FERMT1: variants seen among roughly 807,000 people sequenced by gnomAD.
The protein encoded by FERMT1 is FERM domain containing kindlin 1, also known as fermitin family homolog 1.
FERMT1 carries 60 observed loss-of-function variants against 85.3 expected under a neutral mutation model. The observed-to-expected ratio is 0.70, with a 90% CI of 0.57 to 0.87. The LOEUF is 0.87. FERMT1 is among the 40% of genes least tolerant of loss of function. The pLI, the probability that FERMT1 is intolerant of heterozygous loss-of-function variation, is 0.00. For missense variants in FERMT1, 701 were observed against 818.9 expected (o/e 0.86, Z 1.76); for synonymous variants, 275 against 301.1 (o/e 0.91, Z 0.90).
rs1982746782 is a variant in FERMT1 at position 6,104,479 on chromosome 20, G to T, written c.849+3053C>A. Among the ~76,000 whole-genome samples the T allele has an allele frequency of 1.3e-5, 2 of 152,116 alleles. No homozygotes were observed. The highest frequency in any genetic ancestry group is 2.1e-4 in the South Asian group (1 of 4,816). On this transcript the variant is annotated intron_variant, in intron 6 of 14. Transcript: ENST00000217289. The surrounding 1 kb of genome is among the most constrained non-coding windows in gnomAD (Gnocchi z 4.2). ...AGTCTTAAACTTGATTTTATCTATA[G>T]CACTCATAATTTTGAGAGAGGGGGA... is the stretch of plus-strand genomic sequence containing the variant.
chr20:6,084,841 G>A (rs989681433), intron 12 of FERMT1, among the ~76,000 whole-genome samples: 2 of 151,898 alleles, frequency 1.3e-5, no homozygotes, highest in African/African-American at 4.8e-5. Context: ...TTACAGGTGT[G>A]CACCACCACG....
intron 13 of FERMT1, among the ~76,000 whole-genome samples, chr20:6,079,952 G>A (rs1158705850): frequency 1.3e-5 from 2 of 152,208 alleles, no homozygotes; most frequent in Non-Finnish European, 2.9e-5. Flanking sequence ...TCATAAGTAT[G>A]AGGTACATAT....
intron 6 of FERMT1, among the ~76,000 whole-genome samples, chr20:6,098,329 T>A (rs1027259314): frequency 6.6e-6 from 1 of 152,222 alleles, no homozygotes; most frequent in Admixed American, 6.5e-5. Flanking sequence ...CGATAGGATT[T>A]TTTAAATGAA....
At chr20:6,097,403 C>G in intron 7 of FERMT1, 121 bp downstream of exon 7, 2 of 759,710 alleles carry the variant, frequency 2.6e-6, no homozygotes, top group South Asian at 3.1e-5. Flanking sequence ...AACAATTGCT[C>G]TCCTTATTTT....
At chr20:6,119,226 G>A (rs560131408) in intron 2 of FERMT1, among the ~76,000 whole-genome samples, 178 bp downstream of exon 2, 2 of 152,250 alleles carry the variant, frequency 1.3e-5, no homozygotes, top group Admixed American at 6.5e-5. Context: ...GGGATTACAG[G>A]TGTGAGCCAC....
chr20:6,111,656 C>T (rs1269005975), intron 4 of FERMT1, among the ~76,000 whole-genome samples: 3 of 112,006 alleles, frequency 2.7e-5, no homozygotes, highest in Admixed American at 1.0e-4. Context: ...AACAAACAAA[C>T]AAAAAATGAA....
Position 6,077,321 on chromosome 20 carries a change from A to T in FERMT1, c.1886T>A (p.Val629Asp), listed in dbSNP as rs1981856047. 6.2e-7 allele frequency: 1 copy of T among 1,614,152 alleles called. No homozygotes were observed. The highest frequency in any genetic ancestry group is 2.2e-5 in the East Asian group (1 of 44,878). ...ACTCAGGCAGGTGAAAGCAGTAAAG[A>T]CGTTTTGGTCAAACTCGATGACCAC... ...RQVVIEFDQN[V>D]FTAFTCLSAD... is the part of the protein sequence containing the mutation. The change falls in exon 15 of 15, where the codon GTC (valine) becomes GAC (aspartate). Residue 629 changes from valine (V) to aspartate (D), a missense_variant. Physicochemically the swap from Val to Asp is radical, Grantham distance 152 (BLOSUM62 -3). Transcript: ENST00000217289.
chr20:6,096,394 G>A (rs1158412275), intron 8 of FERMT1, among the ~76,000 whole-genome samples: 1 of 152,170 alleles, frequency 6.6e-6, no homozygotes, highest in Non-Finnish European at 1.5e-5. Context: ...GCACAGTAGT[G>A]TGTGTCTGTA....
chr20:6,089,032 T>C lies in FERMT1; in HGVS notation c.1197A>G (p.Thr399=). ...FKQYWFIFKD[T]SIAYFKNKEL... is the part of the protein sequence containing the mutation. ...CCTTATTTTTAAAGTATGCTATGGATGTGTCTTTAAAGATAAACCAATATT... is the reference window on the plus strand; with the variant it reads ...CCTTATTTTTAAAGTATGCTATGGACGTGTCTTTAAAGATAAACCAATATT... The change falls in exon 10 of 15, where the codon ACA becomes ACG. Residue 399 remains threonine (T), a synonymous_variant. Coordinates refer to ENST00000217289, the MANE Select transcript of FERMT1 (RefSeq NM_017671.5). 6.2e-7 allele frequency: 1 copy of C among 1,611,382 alleles called. No individual in the cohort carries two copies. Among genetic ancestry groups the C allele is most frequent in the Non-Finnish European group, 8.5e-7 (1 of 1,177,724 alleles).
At chr20:6,089,429 G>A (rs1441563154) in intron 9 of FERMT1, among the ~76,000 whole-genome samples, 2 of 152,174 alleles carry the variant, frequency 1.3e-5, no homozygotes, top group Non-Finnish European at 2.9e-5. Context: ...AGGACAGAAT[G>A]AGTTCATCTA....
chr20:6,110,635 T>C (rs546331941), intron 4 of FERMT1, 124 bp from the exon 5 acceptor site: 3 of 819,576 alleles, frequency 3.7e-6, no homozygotes, highest in African/African-American at 3.4e-5. Context: ...TTTAAAATAA[T>C]ATAAGTCAAG....
intron 2 of FERMT1, among the ~76,000 whole-genome samples, chr20:6,116,904 T>C (rs566624737): frequency 6.6e-6 from 1 of 152,348 alleles, no homozygotes; most frequent in South Asian, 2.1e-4. Context: ...ATCAAGATTA[T>C]TTCTCTTATA....
At chr20:6,083,397 C>T (rs1259626433) in intron 13 of FERMT1, among the ~76,000 whole-genome samples, 1 of 152,064 alleles carries the variant, frequency 6.6e-6, no homozygotes, top group East Asian at 1.9e-4. Context: ...CTTCAGAGAC[C>T]AGTGAGAACA....
chr20:6,078,917 T>G (rs1236507013), intron 14 of FERMT1, among the ~76,000 whole-genome samples: 1 of 152,078 alleles, frequency 6.6e-6, no homozygotes, highest in Non-Finnish European at 1.5e-5. Flanking sequence ...TTTTAAGAGG[T>G]GAAGCTTTTC....
At position 6,112,631 on chromosome 20, in the gene FERMT1, T is replaced by A. The variant is rs1377547937; in HGVS notation, c.386-8A>T. 1.1e-5 allele frequency: 16 copies of A among 1,512,460 alleles called. No homozygotes were observed. Among genetic ancestry groups the A allele is most frequent in the Non-Finnish European group, 1.3e-5 (15 of 1,121,240 alleles). The allele number at this position is 1,512,460 out of a possible 1,614,324, so 93.7% of individuals were successfully genotyped here. A position where few individuals can be genotyped will look rare whatever the true frequency, so the allele number is the denominator to read the frequency against. ...CTTCTGATCTTCTAATATCTAGAAA[T>A]AAATATTTTTTAAAAATGAAGAAAA... On this transcript the variant is annotated splice_region_variant and splice_polypyrimidine_tract_variant and intron_variant, in intron 3 of 14. Transcript: ENST00000217289.
intron 9 of FERMT1, among the ~76,000 whole-genome samples, chr20:6,094,734 CA>C (rs1982456201): frequency 6.6e-6 from 1 of 152,152 alleles, no homozygotes; most frequent in Non-Finnish European, 1.5e-5. Flanking sequence ...AATGGAGGCT[CA>C]GAGACATAAT....
chr20:6,119,607 T>C (rs761603086), intron 1 of FERMT1, 35 bp from the exon 2 acceptor site: 11 of 1,584,346 alleles, frequency 6.9e-6, no homozygotes, highest in Non-Finnish European at 9.5e-6. Flanking sequence ...GATTGGAATG[T>C]GGGAAGGAAA....
At chr20:6,093,251 GCT>G (rs1044411138) in intron 9 of FERMT1, among the ~76,000 whole-genome samples, 2 of 152,012 alleles carry the variant, frequency 1.3e-5, no homozygotes, top group African/African-American at 2.4e-5. Flanking sequence ...CCTCCTACGA[GCT>G]CTCTCTCCTT....
At chr20:6,081,354 C>T (rs549481469) in intron 13 of FERMT1, among the ~76,000 whole-genome samples, 1 of 151,818 alleles carries the variant, frequency 6.6e-6, no homozygotes, top group East Asian at 1.9e-4. Context: ...CCAAGGAGAC[C>T]AAAAGAACTG....
Sources: allele counts gnomAD v4.1 joint callset (sites outside exome capture counted in the v4.1 genomes callset), GRCh38; gene constraint gnomAD v4.1.1; non-coding constraint Gnocchi (gnomAD v3.1); transcripts MANE v1.5; gene names NCBI Gene and HGNC (gene_info 2026-07-23, HGNC 2026-07-21).